EMSY: variants seen among roughly 807,000 people sequenced by gnomAD.
The protein encoded by EMSY is EMSY transcriptional repressor, BRCA2 interacting, also known as BRCA2-interacting transcriptional repressor EMSY.
In EMSY, 26 loss-of-function variants were observed where a neutral mutation model predicts 134.6. That is an observed-to-expected ratio of 0.19 (90% CI 0.14 to 0.27). EMSY has a LOEUF of 0.27. Ranked by LOEUF, EMSY falls within the 10% of genes least tolerant of loss-of-function variation. The pLI, the probability that EMSY is intolerant of heterozygous loss-of-function variation, is 1.00. For synonymous variants in EMSY, 579 were observed against 577.8 expected, an observed-to-expected ratio of 1.00 and a Z score of -0.03; for missense variants, 1,305 against 1,611.4, an observed-to-expected ratio of 0.81 and a Z score of 3.26.
intron 5 of EMSY, chr11:76,459,187 A>T (rs138405198): frequency 1.3e-5 from 2 of 152,176 alleles, no homozygotes; most frequent in African/African-American, 4.8e-5. Context: ...CCACTAGTCA[A>T]ATCCATGTTT....
chr11:76,486,087 T>C (rs899658404), intron 8 of EMSY, among the ~76,000 whole-genome samples: 3 of 152,204 alleles, frequency 2.0e-5, no homozygotes, highest in Non-Finnish European at 4.4e-5. Flanking sequence ...GAGGATGATT[T>C]CATGTCCTTT....
At chr11:76,456,701 T>G (rs1404461375) in intron 4 of EMSY, among the ~76,000 whole-genome samples, 1 of 152,202 alleles carries the variant, frequency 6.6e-6, no homozygotes, top group Non-Finnish European at 1.5e-5. Context: ...TTCCTTTGTC[T>G]TAGGTAGGAC....
At chr11:76,526,674 A>G in intron 13 of EMSY, 39 bp downstream of exon 14, 2 of 1,484,512 alleles carry the variant, frequency 1.3e-6, no homozygotes, top group Non-Finnish European at 1.8e-6. Context: ...TGGCTCTTAA[A>G]TATTTTCAAT....
At chr11:76,488,762 C>T (rs1055673395) in intron 8 of EMSY, among the ~76,000 whole-genome samples, 1 of 152,172 alleles carries the variant, frequency 6.6e-6, no homozygotes, top group Non-Finnish European at 1.5e-5. Flanking sequence ...AATTTCTTTT[C>T]ACCTTTCTCT....
chr11:76,514,885 T>C (rs1950394861), intron 10 of EMSY, among the ~76,000 whole-genome samples: 1 of 152,108 alleles, frequency 6.6e-6, no homozygotes, highest in Non-Finnish European at 1.5e-5. Context: ...ATAACAGTGT[T>C]ATGCATATAT....
chr11:76,461,027 G>T (rs1948094365), intron 6 of EMSY: 1 of 152,266 alleles, frequency 6.6e-6, no homozygotes, highest in Non-Finnish European at 1.5e-5. Context: ...TGGTTAATTT[G>T]GCTCACGATT....
chr11:76,486,958 A>C (rs1949210745), intron 8 of EMSY, among the ~76,000 whole-genome samples: 1 of 152,198 alleles, frequency 6.6e-6, no homozygotes, highest in Admixed American at 6.5e-5. Context: ...TCAGAGAGAA[A>C]ATTCTAAAGC....
chr11:76,463,700 A>G, intron 6 of EMSY, 121 bp from the exon 8 acceptor site: 1 of 1,095,816 alleles, frequency 9.1e-7, no homozygotes, highest in Non-Finnish European at 1.3e-6. Context: ...GATTGATAGA[A>G]CTTATTGGCT....
intron 8 of EMSY, among the ~76,000 whole-genome samples, chr11:76,485,391 C>T (rs190246423): frequency 1.4e-3 from 218 of 152,278 alleles, no homozygotes; most frequent in African/African-American, 5.0e-3. Flanking sequence ...GCTGGTTCAA[C>T]GTATGCAAAT....
intron 11 of EMSY, among the ~76,000 whole-genome samples, chr11:76,518,877 T>TGC (rs1950550522): frequency 1.3e-5 from 2 of 150,580 alleles, no homozygotes; most frequent in South Asian, 4.2e-4. Context: ...TGTGTGTGTG[T>TGC]GTGTGTCATT....
chr11:76,526,401 G>A, intron 12 of EMSY, 61 bp from the exon 14 acceptor site: 5 of 1,258,772 alleles, frequency 4.0e-6, no homozygotes, highest in Non-Finnish European at 5.4e-6. Flanking sequence ...ATTTTTCAGT[G>A]AGAGGACTTT....
chr11:76,475,425 G>T (rs1203472052), intron 8 of EMSY, among the ~76,000 whole-genome samples: 1 of 152,168 alleles, frequency 6.6e-6, no homozygotes, highest in African/African-American at 2.4e-5. Context: ...GGTAGCCACT[G>T]AATCTCTTAG....
chr11:76,542,292 C>G (rs144855396), exon 18 of EMSY: 2 of 1,614,102 alleles, frequency 1.2e-6, no homozygotes, highest in Non-Finnish European at 8.5e-7. Flanking sequence ...AGTCACAGAC[C>G]GCAACACAGA....
At chr11:76,474,964 G>A (rs758060349) in intron 8 of EMSY, among the ~76,000 whole-genome samples, 3 of 151,968 alleles carry the variant, frequency 2.0e-5, no homozygotes, top group African/African-American at 7.3e-5. Flanking sequence ...GTGTTTTGCC[G>A]TGTTGCCCAG....
intron 7 of EMSY, among the ~76,000 whole-genome samples, chr11:76,468,319 T>A (rs1948440866): frequency 6.6e-6 from 1 of 151,918 alleles, no homozygotes. Flanking sequence ...TTACTATGGT[T>A]AAAAAAAACA....
chr11:76,464,011 C>T lies in EMSY; in HGVS notation c.762C>T (p.Pro254=), dbSNP rs1284144240. Residue 254 remains proline (P), a synonymous_variant, in exon 7 of 21, where the codon CCC becomes CCT. Coordinates refer to ENST00000334736, the Ensembl canonical transcript of EMSY. ...AGAGCATTGCCAACTCCTTACCACC[C>T]CACATGTCTCCTGTAAAAATAACCT... 3 of 1,614,144 alleles carry T rather than the reference C, an allele frequency of 1.9e-6. No individual in the cohort carries two copies. The South Asian group carries it at 3.3e-5, about 18-fold the overall frequency.
At chr11:76,548,705 AAAG>A (rs1319715563) in intron 20 of EMSY, among the ~76,000 whole-genome samples, 5 of 152,222 alleles carry the variant, frequency 3.3e-5, no homozygotes, top group Admixed American at 6.5e-5. Context: ...TATGTGGAAA[AAAG>A]AAGCAGAAAC....
chr11:76,490,544 T>G (rs1949376066), intron 8 of EMSY, among the ~76,000 whole-genome samples: 1 of 152,238 alleles, frequency 6.6e-6, no homozygotes, highest in African/African-American at 2.4e-5. Context: ...ATGTATTGTG[T>G]TAGAATCTTA....
rs534479879 is a variant in EMSY, at chr11:76,467,080, A to G, written c.831+3000A>G. ...CATATCCCTTCATATATAGAAATTAACTATTTTTGATGACTTCTTAAGTTT... is the reference window on the plus strand; with the variant it reads ...CATATCCCTTCATATATAGAAATTAGCTATTTTTGATGACTTCTTAAGTTT... On this transcript the variant is annotated intron_variant, in intron 7 of 20. Transcript: ENST00000334736. Among the ~76,000 whole-genome samples the G allele has an allele frequency of 2.0e-5, 3 of 152,294 alleles. No individual in the cohort carries two copies. In the South Asian group the frequency reaches 6.2e-4, roughly 32 times the overall value.
Sources: gnomAD v4.1 joint callset for allele counts (sites outside exome capture counted in the v4.1 genomes callset) on GRCh38, gnomAD v4.1.1 for gene constraint, MANE v1.5 for transcripts, NCBI Gene and HGNC (gene_info 2026-07-23, HGNC 2026-07-21) for gene names.